CDH10: variants seen among roughly 807,000 people sequenced by gnomAD.
The protein encoded by CDH10 is cadherin-10.
In CDH10, 30 loss-of-function variants were observed where a neutral mutation model predicts 73.1. The ratio of observed to expected loss-of-function variants is 0.41; its 90% confidence interval spans 0.31 to 0.56. CDH10 has a LOEUF of 0.56. Among genes scored for constraint, CDH10 ranks in the 20% least tolerant of loss-of-function variants. CDH10 has a pLI of 0.27. For missense variants in CDH10, 815 were observed against 973.7 expected, an observed-to-expected ratio of 0.84 and a Z score of 2.17; for synonymous variants, 345 against 348.2, an observed-to-expected ratio of 0.99 and a Z score of 0.10.
At chr5:24,537,719 T>G in intron 2 of CDH10, 45 bp from the exon 3 acceptor site, 1 of 1,234,568 alleles carries the variant, frequency 8.1e-7, no homozygotes, top group Non-Finnish European at 1.1e-6. Context: ...TGTATAAAGG[T>G]GCAGGATGCT....
chr5:24,518,884 CTTT>C (rs36019861), intron 5 of CDH10, among the ~76,000 whole-genome samples: 10 of 77,450 alleles, frequency 1.3e-4, no homozygotes, highest in African/African-American at 4.5e-4. Flanking sequence ...GACATGTGCA[CTTT>C]TTTTTTTTTT....
chr5:24,622,630 A>T (rs922101625), intron 1 of CDH10, among the ~76,000 whole-genome samples: 1 of 152,048 alleles, frequency 6.6e-6, no homozygotes, highest in Non-Finnish European at 1.5e-5. Context: ...TTGAATACAG[A>T]CTCTAACTCC....
intron 2 of CDH10, among the ~76,000 whole-genome samples, chr5:24,552,132 T>A (rs1381147563): frequency 3.3e-5 from 5 of 152,068 alleles, no homozygotes; most frequent in Admixed American, 3.3e-4. Flanking sequence ...TATACATATA[T>A]CTCCATTTAT....
At chr5:24,536,289 T>C (rs1305745496) in intron 3 of CDH10, among the ~76,000 whole-genome samples, 1 of 152,092 alleles carries the variant, frequency 6.6e-6, no homozygotes, top group African/African-American at 2.4e-5. Flanking sequence ...CAATTCAACA[T>C]GATCCCAAGT....
intron 1 of CDH10, among the ~76,000 whole-genome samples, chr5:24,630,634 AC>A (rs1202639874): frequency 1.3e-5 from 2 of 151,698 alleles, no homozygotes; most frequent in African/African-American, 4.8e-5. Context: ...AGCAGCCAGA[AC>A]CCGAGGGCAG....
Position 24,590,546 on chromosome 5 carries a change from A to G in CDH10, c.231+2714T>C, listed in dbSNP as rs56974145. Among the ~76,000 whole-genome samples the G allele has an allele frequency of 1.4e-3, 212 of 152,098 alleles. 1 individual carries two copies. Among genetic ancestry groups the G allele is most frequent in the African/African-American group, 5.0e-3 (206 of 41,542 alleles). On this transcript the variant is annotated intron_variant, in intron 2 of 11. Transcript: ENST00000264463. The stretch of plus-strand genomic sequence containing the variant: ...TCACATTCTAGGTTTTCTGATTGAC[A>G]GTTGTATGTTTTCTTAAGCTCCTCT...
chr5:24,594,889 T>C (rs1012238265), intron 1 of CDH10, among the ~76,000 whole-genome samples: 1 of 151,942 alleles, frequency 6.6e-6, no homozygotes, highest in Non-Finnish European at 1.5e-5. Flanking sequence ...TATCACAGTG[T>C]ATAAAAAAGA....
intron 1 of CDH10, among the ~76,000 whole-genome samples, chr5:24,642,178 A>T (rs1213133539): frequency 6.6e-6 from 1 of 152,138 alleles, no homozygotes; most frequent in Non-Finnish European, 1.5e-5. Context: ...TTTGCTGCTG[A>T]TTCAGCATCA....
intron 2 of CDH10, among the ~76,000 whole-genome samples, chr5:24,575,406 T>G (rs1745567273): frequency 6.6e-6 from 1 of 150,760 alleles, no homozygotes; most frequent in African/African-American, 2.4e-5. Context: ...GCATCCTCAG[T>G]CTGTAATTTT....
In CDH10 at chr5:24,583,700, C is replaced by A. The variant is rs930886371; in HGVS notation, c.231+9560G>T. ...TCACTTTGTTGCCTATGCTGGAGTGCAGTGGCGCAGTCTCCACTCACTGCA... is the reference window on the plus strand; with the variant it reads ...TCACTTTGTTGCCTATGCTGGAGTGAAGTGGCGCAGTCTCCACTCACTGCA... On this transcript the variant is annotated intron_variant, in intron 2 of 11. Transcript: ENST00000264463. Among the ~76,000 whole-genome samples, 55 of 152,138 alleles carry A rather than the reference C, an allele frequency of 3.6e-4. 1 individual carries two copies. Among genetic ancestry groups the A allele is most frequent in the Non-Finnish European group, 7.5e-4 (51 of 68,038 alleles).
chr5:24,608,413 CT>C (rs1746833401), intron 1 of CDH10, among the ~76,000 whole-genome samples: 1 of 152,152 alleles, frequency 6.6e-6, no homozygotes, highest in African/African-American at 2.4e-5. Context: ...CTGACTCAGC[CT>C]CCCGAGTAAC....
chr5:24,552,700 T>A (rs979388771), intron 2 of CDH10, among the ~76,000 whole-genome samples: 3 of 152,062 alleles, frequency 2.0e-5, no homozygotes, highest in African/African-American at 7.2e-5. Flanking sequence ...TTAAATTCAA[T>A]ATTTTTGTCA....
chr5:24,577,950 C>T (rs1324082237), intron 2 of CDH10, among the ~76,000 whole-genome samples: 1 of 152,094 alleles, frequency 6.6e-6, no homozygotes, highest in African/African-American at 2.4e-5. Flanking sequence ...ATATGCTAAC[C>T]CATACTGTCA....
intron 5 of CDH10, among the ~76,000 whole-genome samples, chr5:24,522,392 G>C (rs1007905988): frequency 4.6e-5 from 7 of 151,994 alleles, no homozygotes; most frequent in Admixed American, 6.6e-5. Context: ...ATCTTTTTAA[G>C]AAACCTAGTA....
chr5:24,547,149 A>G (rs1422486373), intron 2 of CDH10, among the ~76,000 whole-genome samples: 1 of 152,232 alleles, frequency 6.6e-6, no homozygotes, highest in East Asian at 1.9e-4. Flanking sequence ...TGAACTGCTA[A>G]TAATATAAAT....
At chr5:24,547,664 A>G (rs1213959598) in intron 2 of CDH10, among the ~76,000 whole-genome samples, 1 of 152,178 alleles carries the variant, frequency 6.6e-6, no homozygotes, top group Non-Finnish European at 1.5e-5. Flanking sequence ...ACATTTCCAG[A>G]GAATTGTGGT....
chr5:24,584,120 A>G (rs1169818164), intron 2 of CDH10, among the ~76,000 whole-genome samples: 1 of 152,180 alleles, frequency 6.6e-6, no homozygotes, highest in Non-Finnish European at 1.5e-5. Context: ...GAACTACCTC[A>G]TGAGGTTGTT....
At chr5:24,605,960 A>G (rs1258467984) in intron 1 of CDH10, among the ~76,000 whole-genome samples, 1 of 152,176 alleles carries the variant, frequency 6.6e-6, no homozygotes, top group African/African-American at 2.4e-5. Context: ...AAATAGAATA[A>G]GCCAGCCTCA....
At chr5:24,507,983 T>C (rs1268063684) in intron 7 of CDH10, among the ~76,000 whole-genome samples, 1 of 152,202 alleles carries the variant, frequency 6.6e-6, no homozygotes, top group East Asian at 1.9e-4. Context: ...CTTGAAGATA[T>C]CGCAGACCCT....
Sources: allele counts gnomAD v4.1 joint callset (sites outside exome capture counted in the v4.1 genomes callset), GRCh38; gene constraint gnomAD v4.1.1; transcripts MANE v1.5; gene names NCBI Gene and HGNC (gene_info 2026-07-23, HGNC 2026-07-21).